NR6A1: variants seen among roughly 807,000 people sequenced by gnomAD.
NR6A1 encodes nuclear receptor subfamily 6 group A member 1, also known as retinoic acid receptor-related testis-associated receptor.
NR6A1 carries 7 observed loss-of-function variants against 59.1 expected under a neutral mutation model. That is an observed-to-expected ratio of 0.12 (90% confidence interval 0.07 to 0.22). The LOEUF (loss-of-function observed/expected upper bound fraction) is 0.22, where lower values mean the gene tolerates loss of function less well. Ranked by LOEUF, NR6A1 falls within the 10% of genes least tolerant of loss-of-function variation. The probability of loss-of-function intolerance (pLI) is 1.00; values close to 1 mark genes in which losing one functional copy is unlikely to be tolerated. For synonymous variants in NR6A1, 243 were observed against 236.1 expected (o/e 1.03, Z -0.27); for missense variants, 468 against 611.6 (o/e 0.77, Z 2.48).
At chr9:124,756,802 C>A (rs1229155839) in intron 1 of NR6A1, among the ~76,000 whole-genome samples, 2 of 152,160 alleles carry the variant, frequency 1.3e-5, no homozygotes, top group African/African-American at 4.8e-5. Context: ...AAGACACACG[C>A]ACATCAACTT....
At chr9:124,703,377 G>T (rs191948161) in intron 2 of NR6A1, among the ~76,000 whole-genome samples, 3,653 of 145,656 alleles carry the variant, frequency 0.025, 56 homozygotes, top group Admixed American at 0.039. Context: ...CATGTCCAGG[G>T]TTTTTTTTTT....
chr9:124,635,107 T>C (rs1326592885), intron 2 of NR6A1, among the ~76,000 whole-genome samples: 1 of 152,228 alleles, frequency 6.6e-6, no homozygotes, highest in African/African-American at 2.4e-5. Context: ...TACAGTGGAA[T>C]AGTATTACAA....
At chr9:124,538,888 C>T (rs1564170001) in intron 5 of NR6A1, among the ~76,000 whole-genome samples, 1 of 132,458 alleles carries the variant, frequency 7.5e-6, no homozygotes, top group East Asian at 2.3e-4. Flanking sequence ...AGAAAGCTAA[C>T]CACTCTGTCA....
At chr9:124,534,463 T>C (rs1246253162) in intron 7 of NR6A1, among the ~76,000 whole-genome samples, 2 of 152,182 alleles carry the variant, frequency 1.3e-5, no homozygotes. Context: ...GGTCACCCTG[T>C]GCTCCAGGTC....
intron 1 of NR6A1, among the ~76,000 whole-genome samples, chr9:124,764,520 C>A (rs1479741460): frequency 1.3e-5 from 2 of 152,134 alleles, no homozygotes; most frequent in East Asian, 1.9e-4. Flanking sequence ...TAAGGAGGAA[C>A]TGGAAATAAA....
At position 124,521,668 on chromosome 9, in the gene NR6A1, T is replaced by A. The variant is rs755215158; in HGVS notation, c.*1037A>T. ...ATTTCAAAAGGGGAGTGTCTATTCT[T>A]TTTGCAGTCTGGCCTTGCCCTACTA... On this transcript the variant is annotated 3_prime_UTR_variant, in exon 10 of 10. Transcript: ENST00000487099. 6.6e-6 allele frequency: 1 copy of A among 152,156 alleles called. No individual in the cohort carries two copies. The highest frequency in any genetic ancestry group is 1.5e-5 in the Non-Finnish European group (1 of 68,056). The allele number at this position is 152,156 out of a possible 1,614,324, so 9.4% of individuals were successfully genotyped here. A position where few individuals can be genotyped will look rare whatever the true frequency, so the allele number is the denominator to read the frequency against.
intron 1 of NR6A1, among the ~76,000 whole-genome samples, chr9:124,750,143 T>C (rs1840453391): frequency 6.6e-6 from 1 of 152,230 alleles, no homozygotes; most frequent in African/African-American, 2.4e-5. Flanking sequence ...TTACTTTCAG[T>C]CCCTACCATG....
intron 6 of NR6A1, 64 bp from the exon 7 acceptor site, chr9:124,536,196 G>C: frequency 6.4e-7 from 1 of 1,557,100 alleles, no homozygotes; most frequent in Non-Finnish European, 8.7e-7. Context: ...AGGGTACAGA[G>C]AGAAGGTAGT....
At chr9:124,680,702 C>T (rs1838123853) in intron 2 of NR6A1, among the ~76,000 whole-genome samples, 1 of 152,150 alleles carries the variant, frequency 6.6e-6, no homozygotes, top group Admixed American at 6.6e-5. Context: ...CGAGAGTTTC[C>T]CACCATTTGC....
At chr9:124,645,167 CA>C (rs754836126) in intron 2 of NR6A1, among the ~76,000 whole-genome samples, 23 of 151,932 alleles carry the variant, frequency 1.5e-4, no homozygotes, top group Non-Finnish European at 2.9e-5. Flanking sequence ...AAAATGGAAA[CA>C]CATAAAATGC....
intron 1 of NR6A1, among the ~76,000 whole-genome samples, chr9:124,753,791 G>A (rs1840569288): frequency 1.3e-5 from 2 of 152,178 alleles, no homozygotes; most frequent in Non-Finnish European, 2.9e-5. Flanking sequence ...AGAGACAGGA[G>A]CATTTGCTCT....
At chr9:124,753,336 T>A (rs772542620) in intron 1 of NR6A1, among the ~76,000 whole-genome samples, 1 of 152,224 alleles carries the variant, frequency 6.6e-6, no homozygotes, top group Admixed American at 6.5e-5. Context: ...ATTTTTTTCA[T>A]TGTTACTTTC....
chr9:124,636,302 TTAAG>T (rs1162334956), intron 2 of NR6A1, among the ~76,000 whole-genome samples: 6 of 152,242 alleles, frequency 3.9e-5, no homozygotes, highest in Non-Finnish European at 8.8e-5. Context: ...TTTAGACATT[TTAAG>T]TAACAGTACT....
intron 2 of NR6A1, among the ~76,000 whole-genome samples, chr9:124,681,985 GT>G (rs1422464943): frequency 2.0e-5 from 3 of 151,420 alleles, no homozygotes; most frequent in Non-Finnish European, 4.4e-5. Context: ...TTTTTGTTTT[GT>G]TTTGTTTTGT....
chr9:124,720,695 T>A (rs1190330754), intron 2 of NR6A1, among the ~76,000 whole-genome samples: 3 of 152,164 alleles, frequency 2.0e-5, no homozygotes, highest in Non-Finnish European at 2.9e-5. Flanking sequence ...GTGGTCCCGG[T>A]TGACCAAAGA....
chr9:124,627,484 G>A (rs1251341571), intron 2 of NR6A1, among the ~76,000 whole-genome samples: 1 of 152,180 alleles, frequency 6.6e-6, no homozygotes, highest in Non-Finnish European at 1.5e-5. Context: ...ACAGGCTGAG[G>A]GGTTTTCAGC....
intron 4 of NR6A1, among the ~76,000 whole-genome samples, chr9:124,541,290 C>A (rs28858220): frequency 4.0e-5 from 6 of 151,844 alleles, no homozygotes; most frequent in Admixed American, 6.6e-5. Context: ...AGAAAAAAAA[C>A]AAAACAAAAC....
Position 124,754,996 on chromosome 9 carries a change from T to C in NR6A1, c.100+16024A>G, listed in dbSNP as rs967283327. Reference sequence around the variant, plus strand: ...TAAAAAATCACAAGAATAGACAGGATTTAAACCCAAGTCTAACGTTAAAGC... The same window carrying C: ...TAAAAAATCACAAGAATAGACAGGACTTAAACCCAAGTCTAACGTTAAAGC... On this transcript the variant is annotated intron_variant, in intron 1 of 9. Transcript: ENST00000487099. Among the ~76,000 whole-genome samples, 5 of 152,132 alleles carry C rather than the reference T, an allele frequency of 3.3e-5. No individual in the cohort carries two copies. The East Asian group carries it at 7.7e-4, about 23-fold the overall frequency.
chr9:124,749,733 C>T (rs1035789778), intron 1 of NR6A1, among the ~76,000 whole-genome samples: 2 of 152,142 alleles, frequency 1.3e-5, no homozygotes, highest in Non-Finnish European at 2.9e-5. Flanking sequence ...CTTGTTAAAG[C>T]ACTACAGATA....
Sources: gnomAD v4.1 joint callset for allele counts (sites outside exome capture counted in the v4.1 genomes callset) on GRCh38, gnomAD v4.1.1 for gene constraint, MANE v1.5 for transcripts, NCBI Gene and HGNC (gene_info 2026-07-23, HGNC 2026-07-21) for gene names.